The following BMP6 variants were observed in gnomAD, a reference collection of about 807,000 sequenced individuals.
BMP6 encodes the protein VG-1-R.
BMP6 carries 17 observed loss-of-function variants against 54.1 expected under a neutral mutation model. The observed-to-expected ratio is 0.31, with a 90% CI of 0.22 to 0.47. The LOEUF (loss-of-function observed/expected upper bound fraction) is 0.47, where lower values mean the gene tolerates loss of function less well. Ranked by LOEUF, BMP6 falls within the 20% of genes least tolerant of loss-of-function variation. The probability of loss-of-function intolerance (pLI) is 1.00; values close to 1 mark genes in which losing one functional copy is unlikely to be tolerated. For synonymous variants in BMP6, 328 were observed against 291.2 expected, an observed-to-expected ratio of 1.13 and a Z score of -1.28; for missense variants, 720 against 690.4, an observed-to-expected ratio of 1.04 and a Z score of -0.48.
At chr6:7,738,690 A>G (rs561683954) in intron 1 of BMP6, among the ~76,000 whole-genome samples, 12 of 152,194 alleles carry the variant, frequency 7.9e-5, no homozygotes, top group Admixed American at 6.5e-4. Context: ...TTCTTTTTAA[A>G]TTTTTTGGTA....
chr6:7,736,885 C>A (rs994656189), intron 1 of BMP6, among the ~76,000 whole-genome samples: 1 of 152,048 alleles, frequency 6.6e-6, no homozygotes, highest in Non-Finnish European at 1.5e-5. Flanking sequence ...ACAGAGGAAA[C>A]CTCTTAAAAA....
intron 1 of BMP6, among the ~76,000 whole-genome samples, chr6:7,757,658 A>G (rs1326956949): frequency 6.6e-6 from 1 of 152,222 alleles, no homozygotes; most frequent in Non-Finnish European, 1.5e-5. Context: ...TGATCCCTTG[A>G]TAAGGAAATT....
At chr6:7,853,061 C>T (rs1056674413) in intron 2 of BMP6, among the ~76,000 whole-genome samples, 2 of 152,222 alleles carry the variant, frequency 1.3e-5, no homozygotes, top group African/African-American at 4.8e-5. Flanking sequence ...GTCTGTGCCT[C>T]GTACTAGAAA....
intron 1 of BMP6, among the ~76,000 whole-genome samples, chr6:7,771,696 G>C (rs968168306): frequency 7.3e-6 from 1 of 137,650 alleles, no homozygotes; most frequent in Non-Finnish European, 1.6e-5. Context: ...TGTTACACAG[G>C]GTGGTGCAGG....
In BMP6 at chr6:7,879,091, T is replaced by C. The variant is rs1338992777; in HGVS notation, c.1222T>C (p.Leu408=). 1 of 1,614,180 alleles carries C rather than the reference T, an allele frequency of 6.2e-7. No homozygotes were observed. Among genetic ancestry groups the C allele is most frequent in the Non-Finnish European group, 8.5e-7 (1 of 1,180,002 alleles). The change falls in exon 5 of 7, where the codon TTG becomes CTG. Residue 408 remains leucine (L), a synonymous_variant. Coordinates refer to ENST00000283147, the MANE Select transcript of BMP6 (RefSeq NM_001718.6). The part of the protein sequence containing the change: ...SSASDYNSSE[L]KTACRKHELY... ...TCCAACAGATTACAACAGCAGTGAA[T>C]TGAAAACAGCCTGCAGGAAGCATGA... is the stretch of plus-strand genomic sequence containing the variant.
In BMP6 at chr6:7,737,529, T is replaced by C. The variant is rs996962995; in HGVS notation, c.664+9910T>C. On this transcript the variant is annotated intron_variant, in intron 1 of 6. Coordinates refer to ENST00000283147, the MANE Select transcript of BMP6 (RefSeq NM_001718.6). Reference sequence around the variant, plus strand: ...TTGATTTGTTGAGATTGTTTGACCCTGTTGTTATGCATGCACATACCTGTC... The same window carrying C: ...TTGATTTGTTGAGATTGTTTGACCCCGTTGTTATGCATGCACATACCTGTC... Among the ~76,000 whole-genome samples, 6 of 152,120 alleles carry C rather than the reference T, an allele frequency of 3.9e-5. No individual in the cohort carries two copies. The East Asian group carries it at 1.2e-3, about 30-fold the overall frequency.
intron 1 of BMP6, among the ~76,000 whole-genome samples, chr6:7,803,089 C>A (rs1758296275): frequency 6.6e-6 from 1 of 152,070 alleles, no homozygotes; most frequent in Admixed American, 6.5e-5. Flanking sequence ...CCTGCAGAGG[C>A]TTGAATGGGA....
chr6:7,813,108 A>ATAT lies in BMP6; in HGVS notation c.665-32032_665-32031insTAT, dbSNP rs1334488067. Among the ~76,000 whole-genome samples the ATAT allele has an allele frequency of 7.9e-4, 17 of 21,466 alleles. 1 individual carries two copies. Among genetic ancestry groups the ATAT allele is most frequent in the Non-Finnish European group, 1.2e-3 (16 of 13,116 alleles). The allele number at this position is 21,466 out of a possible 152,430, so 14.1% of individuals were successfully genotyped here. ...CTACAAAAAAAAAAAAAAAAAAAAAAATATATATATATATATATATATATA... is the reference window on the plus strand; with the variant it reads ...CTACAAAAAAAAAAAAAAAAAAAAAATATATATATATATATATATATATATATA... On this transcript the variant is annotated intron_variant, in intron 1 of 6. Coordinates refer to ENST00000283147, the MANE Select transcript of BMP6 (RefSeq NM_001718.6).
intron 1 of BMP6, among the ~76,000 whole-genome samples, chr6:7,744,192 A>G (rs1757312421): frequency 6.6e-6 from 1 of 152,182 alleles, no homozygotes; most frequent in Non-Finnish European, 1.5e-5. Context: ...TTTCAAAGTA[A>G]AGTTGCAGAC....
chr6:7,799,740 TAA>T (rs34023411), intron 1 of BMP6, among the ~76,000 whole-genome samples: 3 of 145,664 alleles, frequency 2.1e-5, no homozygotes, highest in Admixed American at 6.8e-5. Flanking sequence ...ACACTGATTA[TAA>T]AAAAAAAAAA....
chr6:7,790,902 A>T (rs970525857), intron 1 of BMP6, among the ~76,000 whole-genome samples: 1 of 151,994 alleles, frequency 6.6e-6, no homozygotes, highest in Non-Finnish European at 1.5e-5. Context: ...AAATCCACTT[A>T]TCTCCCTTTC....
rs558529016 is a variant in BMP6 at position 7,855,453 on chromosome 6, C to T, written c.858-5998C>T. The stretch of plus-strand genomic sequence containing the variant: ...AGAACCACTGATAAAAGAGCACGTA[C>T]AACACATGAGCCAAACTGCCTGGGT... On this transcript the variant is annotated intron_variant, in intron 2 of 6. Coordinates refer to ENST00000283147, the MANE Select transcript of BMP6 (RefSeq NM_001718.6). Among the ~76,000 whole-genome samples the T allele has an allele frequency of 1.4e-4, 21 of 150,444 alleles. No individual in the cohort carries two copies. The South Asian group carries it at 4.1e-3, about 29-fold the overall frequency.
chr6:7,867,506 T>C (rs969380279), intron 4 of BMP6, among the ~76,000 whole-genome samples: 2 of 152,196 alleles, frequency 1.3e-5, no homozygotes, highest in African/African-American at 2.4e-5. Flanking sequence ...CTTCCATGGA[T>C]TGGGGATAGC....
At chr6:7,750,558 C>T (rs1387383625) in intron 1 of BMP6, among the ~76,000 whole-genome samples, 1 of 152,160 alleles carries the variant, frequency 6.6e-6, no homozygotes, top group East Asian at 1.9e-4. Flanking sequence ...TTGTGTGTTA[C>T]CTGTCTTTTT....
At chr6:7,841,779 A>G (rs149568346) in intron 1 of BMP6, among the ~76,000 whole-genome samples, 1 of 152,222 alleles carries the variant, frequency 6.6e-6, no homozygotes, top group South Asian at 2.1e-4. Flanking sequence ...TCTAAGAAGG[A>G]TAAAGGAAAA....
In BMP6 at chr6:7,881,528, AAG is replaced by A. The variant is rs148064346; in HGVS notation, c.*1188_*1189del. ...AGGAAAGACCAGACTTTTAAAAAAA[AAG>A]AGTTTATTTAGAAAGTATCATAGTG... On this transcript the variant is annotated 3_prime_UTR_variant, in exon 7 of 7. Coordinates refer to ENST00000283147, the MANE Select transcript of BMP6 (RefSeq NM_001718.6). The A allele has an allele frequency of 0.026, 3,982 of 152,612 alleles. 67 individuals are homozygous for A. The highest frequency in any genetic ancestry group is 0.037 in the African/African-American group (1,548 of 41,558). The allele number at this position is 152,612 out of a possible 1,614,324, so 9.5% of individuals were successfully genotyped here.
intron 1 of BMP6, among the ~76,000 whole-genome samples, chr6:7,802,315 A>G (rs1314042719): frequency 6.6e-6 from 1 of 152,176 alleles, no homozygotes. Flanking sequence ...ATTAAATGTT[A>G]ATTGAGGACC....
Position 7,880,436 on chromosome 6 carries a change from C to T in BMP6, c.*93C>T, listed in dbSNP as rs1372606567. The T allele has an allele frequency of 1.2e-5, 18 of 1,516,912 alleles. No individual in the cohort carries two copies. The highest frequency in any genetic ancestry group is 2.4e-5 in the South Asian group (2 of 83,872). 94.0% of individuals were successfully genotyped at this position (1,516,912 alleles called of 1,614,324 possible). A position where few individuals can be genotyped will look rare whatever the true frequency, so the allele number is the denominator to read the frequency against. ...CACGGAAGCACAGTTGGAGGTGGGA[C>T]GATGAGACTTTGAAACTATCTCATG... On this transcript the variant is annotated 3_prime_UTR_variant, in exon 7 of 7. Transcript: ENST00000283147.
chr6:7,828,073 T>G (rs1354840697), intron 1 of BMP6, among the ~76,000 whole-genome samples: 1 of 152,278 alleles, frequency 6.6e-6, no homozygotes, highest in Non-Finnish European at 1.5e-5. Context: ...TGTTTTGTTT[T>G]GTTTCTAAAT....
Sources: gnomAD v4.1 joint callset for allele counts (sites outside exome capture counted in the v4.1 genomes callset) on GRCh38, gnomAD v4.1.1 for gene constraint, MANE v1.5 for transcripts, NCBI Gene and HGNC (gene_info 2026-07-23, HGNC 2026-07-21) for gene names.